The following ITGA9 variants were observed in gnomAD, a reference collection of about 807,000 sequenced individuals.
ITGA9 encodes the protein integrin alpha-9.
Under a neutral mutation model 127.8 loss-of-function variants are expected in ITGA9, and 56 were observed. The ratio of observed to expected loss-of-function variants is 0.44; its 90% CI spans 0.35 to 0.55. The LOEUF is 0.55. Ranked by LOEUF, ITGA9 falls within the 20% of genes least tolerant of loss-of-function variation. The pLI is 0.00. For synonymous variants in ITGA9, 508 were observed against 514.5 expected (o/e 0.99, Z 0.17); for missense variants, 1,196 against 1,347.1 (o/e 0.89, Z 1.76).
chr3:37,584,357 T>C (rs754873610), intron 15 of ITGA9, among the ~76,000 whole-genome samples: 2 of 152,144 alleles, frequency 1.3e-5, no homozygotes, highest in Non-Finnish European at 2.9e-5. Flanking sequence ...GAGCAAGTCA[T>C]GAGGCCCAAT....
At chr3:37,720,698 A>G (rs1420167141) in intron 18 of ITGA9, among the ~76,000 whole-genome samples, 1 of 152,156 alleles carries the variant, frequency 6.6e-6, no homozygotes, top group Non-Finnish European at 1.5e-5. Context: ...TTCTGTTACG[A>G]CTGGTTGACT....
intron 18 of ITGA9, among the ~76,000 whole-genome samples, chr3:37,688,083 C>T (rs1700798416): frequency 6.6e-6 from 1 of 152,202 alleles, no homozygotes. Flanking sequence ...ATTCCCTGGG[C>T]ATGAACTCTC....
Position 37,508,574 on chromosome 3 carries a change from G to A in ITGA9, c.844G>A (p.Ala282Thr), listed in dbSNP as rs1356508633. Residue 282 changes from alanine (A) to threonine (T), a missense_variant, in exon 8 of 28, where the codon GCT becomes ACT. Coordinates refer to ENST00000264741, the MANE Select transcript of ITGA9 (RefSeq NM_002207.3). Reference sequence around the variant, plus strand: ...CATTCCATAGGTTTATATTTTCAGAGCTGACCGAAGATCAGGCACCTTAAT... The same window carrying A: ...CATTCCATAGGTTTATATTTTCAGAACTGACCGAAGATCAGGCACCTTAAT... ...KGIGKVYIFRADRRSGTLIKI... is the reference protein window; with the variant it reads ...KGIGKVYIFRTDRRSGTLIKI... 3 of 1,612,986 alleles carry A rather than the reference G, an allele frequency of 1.9e-6. No individual in the cohort carries two copies. The highest frequency in any genetic ancestry group is 2.5e-6 in the Non-Finnish European group (3 of 1,179,456).
At chr3:37,727,297 T>C (rs7611638) in intron 18 of ITGA9, among the ~76,000 whole-genome samples, 6,950 of 152,298 alleles carry the variant, frequency 0.046, 297 homozygotes, top group South Asian at 0.13. Flanking sequence ...AAATTTTTAA[T>C]TGAATCTTCT....
intron 17 of ITGA9, among the ~76,000 whole-genome samples, chr3:37,676,484 T>A (rs1700683803): frequency 6.6e-6 from 1 of 152,116 alleles, no homozygotes; most frequent in Admixed American, 6.5e-5. Flanking sequence ...GCAGAGCATG[T>A]CAGAGGCTTA....
At chr3:37,777,188 T>C (rs1049742739) in intron 23 of ITGA9, among the ~76,000 whole-genome samples, 3 of 152,210 alleles carry the variant, frequency 2.0e-5, no homozygotes, top group Non-Finnish European at 4.4e-5. Flanking sequence ...TTGGGGGACC[T>C]AAGATCCACA....
intron 16 of ITGA9, among the ~76,000 whole-genome samples, chr3:37,638,066 C>T (rs1223752339): frequency 6.6e-6 from 1 of 152,068 alleles, no homozygotes; most frequent in African/African-American, 2.4e-5. Flanking sequence ...ATAATTTGCC[C>T]ATCAAAATTA....
rs563367569 is a variant in ITGA9, at chr3:37,742,665, C to T, written c.2324+846C>T. On this transcript the variant is annotated intron_variant, in intron 21 of 27. Transcript: ENST00000264741. ...TGAACTTTCTGGAGGTTCACAGTTTCTAATTTTTCGGTTTTCAAGTGCTTC... is the reference window on the plus strand; with the variant it reads ...TGAACTTTCTGGAGGTTCACAGTTTTTAATTTTTCGGTTTTCAAGTGCTTC... 1.7e-4 allele frequency among the ~76,000 whole-genome samples: 26 copies of T among 152,298 alleles called. No homozygotes were observed. In the East Asian group the frequency reaches 4.8e-3, roughly 28 times the overall value.
At chr3:37,570,515 C>T (rs184177664) in intron 15 of ITGA9, among the ~76,000 whole-genome samples, 109 of 152,292 alleles carry the variant, frequency 7.2e-4, no homozygotes, top group African/African-American at 2.4e-3. Flanking sequence ...CTGGTCTCAT[C>T]TATCAGACTC....
At chr3:37,613,786 C>A (rs1309850259) in intron 15 of ITGA9, among the ~76,000 whole-genome samples, 1 of 152,148 alleles carries the variant, frequency 6.6e-6, no homozygotes, top group African/African-American at 2.4e-5. Flanking sequence ...CTGTTGATAT[C>A]CTTTGCCCAC....
chr3:37,685,919 C>G (rs1311126162), intron 18 of ITGA9, among the ~76,000 whole-genome samples: 1 of 152,182 alleles, frequency 6.6e-6, no homozygotes, highest in African/African-American at 2.4e-5. Context: ...TCCCCCTTTA[C>G]CATGCTTTTC....
intron 23 of ITGA9, among the ~76,000 whole-genome samples, chr3:37,765,364 T>C (rs1696768278): frequency 6.6e-6 from 1 of 152,232 alleles, no homozygotes; most frequent in Admixed American, 6.5e-5. Flanking sequence ...ATTTAAACTC[T>C]ACAAACTTTG....
chr3:37,621,081 G>T (rs1465217330), intron 15 of ITGA9, among the ~76,000 whole-genome samples: 1 of 151,622 alleles, frequency 6.6e-6, no homozygotes, highest in South Asian at 2.1e-4. Flanking sequence ...TGAATCATGG[G>T]GGTGATTTTC....
intron 15 of ITGA9, among the ~76,000 whole-genome samples, chr3:37,558,842 C>T (rs1404526251): frequency 2.6e-5 from 4 of 152,170 alleles, no homozygotes; most frequent in Non-Finnish European, 5.9e-5. Flanking sequence ...GAGCTTTTTC[C>T]CCTGGGCTGA....
Position 37,503,214 on chromosome 3 carries a change from T to G in ITGA9, c.649T>G (p.Trp217Gly). 1 of 1,614,080 alleles carries G rather than the reference T, an allele frequency of 6.2e-7. No homozygotes were observed. Among genetic ancestry groups the G allele is most frequent in the South Asian group, 1.1e-5 (1 of 91,074 alleles). The change falls in exon 6 of 28, where the codon TGG (tryptophan) becomes GGG (glycine). Residue 217 changes from tryptophan to glycine, a missense_variant. Physicochemically the swap from Trp to Gly is radical, Grantham distance 184 (BLOSUM62 -2). Coordinates refer to ENST00000264741, the MANE Select transcript of ITGA9 (RefSeq NM_002207.3). ...VVMGAPGSFY[W>G]AGTIKVLNLT... ...GATGGGTGCTCCAGGGTCATTTTAT[T>G]GGGCTGGAACCATCAAAGTGCTGAA...
intron 18 of ITGA9, among the ~76,000 whole-genome samples, chr3:37,698,552 A>T (rs567345756): frequency 6.6e-6 from 1 of 152,258 alleles, no homozygotes; most frequent in East Asian, 1.9e-4. Context: ...CATCATATGA[A>T]TATGCCACAA....
intron 13 of ITGA9, among the ~76,000 whole-genome samples, chr3:37,528,982 A>G (rs900370230): frequency 9.9e-5 from 15 of 150,820 alleles, no homozygotes; most frequent in African/African-American, 3.7e-4. Context: ...TGCCCATTCT[A>G]GAATTTCACA....
chr3:37,815,441 T>C (rs1697419232), intron 27 of ITGA9, among the ~76,000 whole-genome samples: 1 of 152,084 alleles, frequency 6.6e-6, no homozygotes. Flanking sequence ...AAACCCCGTC[T>C]CTACTAAAAA....
At chr3:37,817,284 G>C (rs1697447046) in intron 27 of ITGA9, among the ~76,000 whole-genome samples, 1 of 152,210 alleles carries the variant, frequency 6.6e-6, no homozygotes, top group African/African-American at 2.4e-5. Context: ...TTTCCAGTAT[G>C]ACTTGGGAAT....
Sources: gnomAD v4.1 joint callset for allele counts (sites outside exome capture counted in the v4.1 genomes callset) on GRCh38, gnomAD v4.1.1 for gene constraint, MANE v1.5 for transcripts, NCBI Gene and HGNC (gene_info 2026-07-23, HGNC 2026-07-21) for gene names.